CTTN: variants seen among roughly 807,000 people sequenced by gnomAD.
CTTN encodes cortactin, also known as src substrate cortactin.
CTTN carries 28 observed loss-of-function variants against 84.0 expected under a neutral mutation model. The ratio of observed to expected loss-of-function variants is 0.33; its 90% CI spans 0.25 to 0.46. The LOEUF (loss-of-function observed/expected upper bound fraction) is 0.46, where lower values mean the gene tolerates loss of function less well. CTTN is among the 20% of genes least tolerant of loss of function. The pLI, the probability that CTTN is intolerant of heterozygous loss-of-function variation, is 1.00. For missense variants in CTTN, 641 were observed against 723.8 expected (o/e 0.89, Z 1.31); for synonymous variants, 301 against 288.8 (o/e 1.04, Z -0.43).
intron 13 of CTTN, among the ~76,000 whole-genome samples, chr11:70,427,356 TAAA>T (rs964201196): frequency 8.6e-5 from 13 of 151,910 alleles, no homozygotes; most frequent in African/African-American, 2.9e-4. Flanking sequence ...TCTCAAAAAA[TAAA>T]AATAATAATA....
rs2058412653 is a variant in CTTN at position 70,435,887 on chromosome 11, G to A, written c.*725G>A. On this transcript the variant is annotated 3_prime_UTR_variant, in exon 18 of 18. Coordinates refer to ENST00000301843, the MANE Select transcript of CTTN (RefSeq NM_005231.4). ...CGCCGGGCAGTGTCACTGAGTCCTT[G>A]AAATCCTCCCCTGCCCCGCGGGTCT... 2.0e-6 allele frequency: 3 copies of A among 1,489,156 alleles called. No individual in the cohort carries two copies. The highest frequency in any genetic ancestry group is 2.8e-5 in the African/African-American group (2 of 70,672). The allele number at this position is 1,489,156 out of a possible 1,614,324, so 92.2% of individuals were successfully genotyped here.
Position 70,402,170 on chromosome 11 carries a change from T to C in CTTN, c.-97-3095T>C, listed in dbSNP as rs1462272358. Among the ~76,000 whole-genome samples the C allele has an allele frequency of 3.3e-5, 5 of 152,100 alleles. No homozygotes were observed. In the South Asian group the frequency reaches 8.3e-4, roughly 25 times the overall value. ...TGTCTGAAAAAGAAAAAAAAAGTTATTGTGTAGAGGAATTTTTCACTCTGT... is the reference window on the plus strand; with the variant it reads ...TGTCTGAAAAAGAAAAAAAAAGTTACTGTGTAGAGGAATTTTTCACTCTGT... On this transcript the variant is annotated intron_variant, in intron 1 of 17. Coordinates refer to ENST00000301843, the MANE Select transcript of CTTN (RefSeq NM_005231.4).
chr11:70,409,805 T>C (rs2058079527), intron 4 of CTTN, 26 bp from the exon 5 acceptor site: 1 of 1,612,820 alleles, frequency 6.2e-7, no homozygotes, highest in Admixed American at 1.7e-5. Context: ...TATTGATCTG[T>C]TCCTATTTTC....
intron 1 of CTTN, among the ~76,000 whole-genome samples, chr11:70,400,709 C>T (rs571282099): frequency 1.3e-5 from 2 of 152,372 alleles, no homozygotes; most frequent in South Asian, 4.1e-4. Context: ...AAAAGGTGTC[C>T]TGAGAGTGTG....
Position 70,409,824 on chromosome 11 carries a change from C to T in CTTN, c.162-7C>T, listed in dbSNP as rs564492360. The T allele has an allele frequency of 1.7e-5, 28 of 1,613,858 alleles. No homozygotes were observed. In the African/African-American group the frequency reaches 3.1e-4, roughly 18 times the overall value. On this transcript the variant is annotated splice_region_variant and splice_polypyrimidine_tract_variant and intron_variant, in intron 4 of 17. Transcript: ENST00000301843. The stretch of plus-strand genomic sequence containing the variant: ...GATCTGTTCCTATTTTCATCTCTTC[C>T]ATCAAGCATACACAAGCTGAGGGAG...
At chr11:70,412,414 C>T (rs939422769) in intron 5 of CTTN, among the ~76,000 whole-genome samples, 4 of 152,002 alleles carry the variant, frequency 2.6e-5, no homozygotes, top group African/African-American at 4.8e-5. Flanking sequence ...CAGAGAGAGA[C>T]GCTGTCTCAG....
rs2058379594 is a variant in CTTN, at chr11:70,433,568, A to T, written c.1445-79A>T. On this transcript the variant is annotated intron_variant, in intron 16 of 17. Transcript: ENST00000301843. ...GTGTCCTTGAGACAAAATCTTAGGA[A>T]GTGTCGTCTAAAACTTGAGAAGGCT... The T allele has an allele frequency of 6.3e-6, 7 of 1,108,474 alleles. No homozygotes were observed. The Admixed American group carries it at 1.0e-4, about 16-fold the overall frequency. The allele number at this position is 1,108,474 out of a possible 1,614,324, so 68.7% of individuals were successfully genotyped here.
chr11:70,412,516 A>T (rs924880048), intron 5 of CTTN, among the ~76,000 whole-genome samples: 2 of 152,208 alleles, frequency 1.3e-5, no homozygotes, highest in East Asian at 3.8e-4. Flanking sequence ...AAAAAAAAAT[A>T]AAAAATTGAA....
chr11:70,435,424 GTTT>G lies in CTTN; in HGVS notation c.*270_*272del. 1 of 1,381,482 alleles carries G rather than the reference GTTT, an allele frequency of 7.2e-7. No individual in the cohort carries two copies. Among genetic ancestry groups the G allele is most frequent in the Non-Finnish European group, 9.6e-7 (1 of 1,042,820 alleles). 85.6% of individuals were successfully genotyped at this position (1,381,482 alleles called of 1,614,324 possible). On this transcript the variant is annotated 3_prime_UTR_variant, in exon 18 of 18. Transcript: ENST00000301843. ...TGGTAATTGGTTTTATGCATTGATG[GTTT>G]TTTTTTTCTTTTTTGCCAAATTGAC...
Position 70,429,212 on chromosome 11 carries a change from G to T in CTTN, c.1176+13G>T, listed in dbSNP as rs765003279. ...GAGGAAGCTGGAGGTGAGTGGCAAG[G>T]AGTGGGCCGCAGCGCACCCTCCCTG... On this transcript the variant is annotated intron_variant, in intron 14 of 17. Transcript: ENST00000301843. The T allele has an allele frequency of 6.2e-7, 1 of 1,608,330 alleles. No individual in the cohort carries two copies. The highest frequency in any genetic ancestry group is 1.3e-5 in the African/African-American group (1 of 74,814).
intron 13 of CTTN, among the ~76,000 whole-genome samples, chr11:70,426,304 G>A (rs371979340): frequency 3.3e-5 from 5 of 151,892 alleles, no homozygotes; most frequent in Admixed American, 1.3e-4. Flanking sequence ...CCAGCTACTC[G>A]GGAGGCTGAG....
chr11:70,407,262 T>C (rs1294195371), intron 2 of CTTN, 36 bp from the exon 3 acceptor site: 1 of 1,534,466 alleles, frequency 6.5e-7, no homozygotes, highest in Non-Finnish European at 8.8e-7. Context: ...GATGGCGCCC[T>C]GAGGCCTCCG....
intron 13 of CTTN, among the ~76,000 whole-genome samples, chr11:70,427,774 C>CA (rs1050865696): frequency 2.2e-4 from 33 of 151,952 alleles, no homozygotes; most frequent in African/African-American, 7.5e-4. Context: ...TCCACAATAC[C>CA]AAAAAAAATC....
At chr11:70,413,558 G>C (rs937065444) in intron 5 of CTTN, among the ~76,000 whole-genome samples, 1 of 152,188 alleles carries the variant, frequency 6.6e-6, no homozygotes, top group African/African-American at 2.4e-5. Context: ...TCCCAGAGGC[G>C]TTATTTACAG....
chr11:70,433,387 C>G (rs907888460), intron 16 of CTTN, 109 bp downstream of exon 16: 19 of 1,160,918 alleles, frequency 1.6e-5, no homozygotes, highest in Admixed American at 2.7e-5. Flanking sequence ...ACTGACACGC[C>G]TTTGCTTGCT....
In CTTN at chr11:70,429,862, T is replaced by G. The variant is rs535789073; in HGVS notation, c.1176+663T>G. ...GAATAGAGCCTGAGGCCTACAGATG[T>G]GTGTGTGTGAAGTTACCAGGTGTGG... On this transcript the variant is annotated intron_variant, in intron 14 of 17. Transcript: ENST00000301843. 2.3e-4 allele frequency among the ~76,000 whole-genome samples: 35 copies of G among 152,078 alleles called. No individual in the cohort carries two copies. The South Asian group carries it at 3.1e-3, about 14-fold the overall frequency.
chr11:70,419,055 G>A (rs1220492536), intron 8 of CTTN, among the ~76,000 whole-genome samples: 4 of 150,856 alleles, frequency 2.7e-5, no homozygotes, highest in African/African-American at 7.3e-5. Flanking sequence ...GATTACAGGT[G>A]TGAGCCACTG....
At position 70,433,804 on chromosome 11, in the gene CTTN, C is replaced by G. The variant is rs2058383206; in HGVS notation, c.1516+86C>G. On this transcript the variant is annotated intron_variant, in intron 17 of 17. Transcript: ENST00000301843. ...GTTTTCTGAGAATTCACTTCTCTAG[C>G]GTTGTTAGTTTTAGAAGTAATTTAT... 4 of 889,048 alleles carry G rather than the reference C, an allele frequency of 4.5e-6. No individual in the cohort carries two copies. In the South Asian group the frequency reaches 5.3e-5, roughly 12 times the overall value. 55.1% of individuals were successfully genotyped at this position (889,048 alleles called of 1,614,324 possible).
At position 70,416,972 on chromosome 11, in the gene CTTN, G is replaced by A. The variant is rs758425906; in HGVS notation, c.458-41G>A. The A allele has an allele frequency of 1.3e-5, 18 of 1,408,252 alleles. No homozygotes were observed. In the East Asian group the frequency reaches 1.4e-4, roughly 11 times the overall value. 87.2% of individuals were successfully genotyped at this position (1,408,252 alleles called of 1,614,324 possible). A position where few individuals can be genotyped will look rare whatever the true frequency, so the allele number is the denominator to read the frequency against. Reference sequence around the variant, plus strand: ...TTTAACAAAAGGAACAGTGTAGTTCGTCCTCAGGCCCCCGTGCTAATTGCT... The same window carrying A: ...TTTAACAAAAGGAACAGTGTAGTTCATCCTCAGGCCCCCGTGCTAATTGCT... On this transcript the variant is annotated intron_variant, in intron 7 of 17. Coordinates refer to ENST00000301843, the MANE Select transcript of CTTN (RefSeq NM_005231.4).
Sources: allele counts gnomAD v4.1 joint callset (sites outside exome capture counted in the v4.1 genomes callset), GRCh38; gene constraint gnomAD v4.1.1; transcripts MANE v1.5; gene names NCBI Gene and HGNC (gene_info 2026-07-23, HGNC 2026-07-21).